The following DNAH9 variants were observed in gnomAD, a reference collection of about 807,000 sequenced individuals.
DNAH9 encodes the protein dynein axonemal heavy chain 9.
DNAH9 carries 345 observed loss-of-function variants against 471.6 expected under a neutral mutation model. The ratio of observed to expected loss-of-function variants is 0.73; its 90% confidence interval spans 0.67 to 0.80. The LOEUF is 0.80. Ranked by LOEUF, DNAH9 falls within the 30% of genes least tolerant of loss-of-function variation. The pLI is 0.00. For missense variants in DNAH9, 5,407 were observed against 5,609.2 expected (o/e 0.96, Z 1.15); for synonymous variants, 2,093 against 2,123.6 (o/e 0.99, Z 0.40).
At chr17:11,824,639 C>T (rs1337752497) in intron 48 of DNAH9, among the ~76,000 whole-genome samples, 4 of 152,118 alleles carry the variant, frequency 2.6e-5, no homozygotes, top group Non-Finnish European at 5.9e-5. Flanking sequence ...TGTAATATTG[C>T]TTCTTCTTCT....
chr17:11,790,327 T>C (rs1969019232), intron 41 of DNAH9, among the ~76,000 whole-genome samples: 1 of 152,080 alleles, frequency 6.6e-6, no homozygotes, highest in African/African-American at 2.4e-5. Context: ...TCATATTCAC[T>C]TTATATATTT....
intron 34 of DNAH9, among the ~76,000 whole-genome samples, 176 bp from the exon 35 acceptor site, chr17:11,757,369 G>A (rs551306016): frequency 8.5e-5 from 13 of 152,140 alleles, no homozygotes; most frequent in Non-Finnish European, 1.9e-4. Flanking sequence ...TCATCAGTCC[G>A]CTGGAGTTGG....
At chr17:11,690,458 A>T in intron 20 of DNAH9, 22 bp downstream of exon 20, 1 of 1,603,840 alleles carries the variant, frequency 6.2e-7, no homozygotes, top group Non-Finnish European at 8.5e-7. Context: ...GGAAATCTAG[A>T]ATCTCTCTAT....
intron 50 of DNAH9, among the ~76,000 whole-genome samples, chr17:11,866,200 G>A (rs1334521179): frequency 6.6e-6 from 1 of 151,198 alleles, no homozygotes. Flanking sequence ...TTTTTGGTGT[G>A]GATGTCCTTT....
intron 45 of DNAH9, among the ~76,000 whole-genome samples, chr17:11,812,701 C>T (rs906423447): frequency 2.0e-5 from 3 of 152,126 alleles, no homozygotes; most frequent in Non-Finnish European, 2.9e-5. Context: ...CCTCCCTGCC[C>T]TGTTCAAGTT....
chr17:11,823,879 G>A (rs961407010), intron 48 of DNAH9, among the ~76,000 whole-genome samples: 9 of 150,322 alleles, frequency 6.0e-5, no homozygotes, highest in South Asian at 2.1e-4. Flanking sequence ...GCAGTGAGCC[G>A]AGATTGCACC....
intron 9 of DNAH9, among the ~76,000 whole-genome samples, chr17:11,638,896 C>T (rs572857183): frequency 6.6e-6 from 1 of 152,334 alleles, no homozygotes; most frequent in Non-Finnish European, 1.5e-5. Context: ...TGTTGGCTGT[C>T]AGCCAAGGGC....
intron 50 of DNAH9, among the ~76,000 whole-genome samples, chr17:11,868,282 C>T (rs1972132658): frequency 6.6e-6 from 1 of 152,134 alleles, no homozygotes; most frequent in South Asian, 2.1e-4. Flanking sequence ...GATGTTTAAG[C>T]TTGGCCCTAC....
chr17:11,612,994 A>T (rs2150644351), intron 4 of DNAH9, among the ~76,000 whole-genome samples: 1 of 152,190 alleles, frequency 6.6e-6, no homozygotes, highest in East Asian at 1.9e-4. Context: ...CATGGCATGG[A>T]GTTTGCAAAC....
At chr17:11,681,474 G>A (rs757359502) in intron 19 of DNAH9, among the ~76,000 whole-genome samples, 11 of 152,112 alleles carry the variant, frequency 7.2e-5, no homozygotes, top group Admixed American at 1.3e-4. Context: ...TTCCTCCCGT[G>A]GTGAAGCGGT....
intron 14 of DNAH9, among the ~76,000 whole-genome samples, chr17:11,654,661 T>C (rs2073599741): frequency 6.6e-6 from 1 of 152,062 alleles, no homozygotes; most frequent in South Asian, 2.1e-4. Context: ...TTAATAATAA[T>C]TCTTACTATA....
At chr17:11,854,823 G>GT (rs1971565497) in intron 50 of DNAH9, among the ~76,000 whole-genome samples, 1 of 152,208 alleles carries the variant, frequency 6.6e-6, no homozygotes. Flanking sequence ...GTGTGGAAAT[G>GT]TGTCAGCTAT....
intron 4 of DNAH9, 130 bp from the exon 5 acceptor site, chr17:11,617,281 G>T (rs115234192): frequency 3.1e-4 from 197 of 625,538 alleles, no homozygotes; most frequent in Admixed American, 2.4e-3. Context: ...ATAAGAGCTA[G>T]GAAGTTTTCT....
At chr17:11,757,009 C>T (rs1349622843) in intron 34 of DNAH9, among the ~76,000 whole-genome samples, 1 of 151,984 alleles carries the variant, frequency 6.6e-6, no homozygotes, top group East Asian at 1.9e-4. Flanking sequence ...CTCCACTGAA[C>T]AAATTTATTA....
chr17:11,669,411 C>T lies in DNAH9; in HGVS notation c.2970C>T (p.Arg990=). Reference sequence around the variant, plus strand: ...TACCAGATTTGGCAAACATGCGGCGCACACTCATGGAGAGAGTCCAGAGAA... The same window carrying T: ...TACCAGATTTGGCAAACATGCGGCGTACACTCATGGAGAGAGTCCAGAGAA... ...DGIPDLANMR[R]TLMERVQRMM... Residue 990 remains arginine (R), a synonymous_variant, in exon 17 of 69, where the codon CGC becomes CGT. Coordinates refer to ENST00000262442, the MANE Select transcript of DNAH9 (RefSeq NM_001372.4). 1 of 1,613,920 alleles carries T rather than the reference C, an allele frequency of 6.2e-7. No individual in the cohort carries two copies. The highest frequency in any genetic ancestry group is 8.5e-7 in the Non-Finnish European group (1 of 1,179,924).
rs1197467140 is a variant in DNAH9 at position 11,652,779 on chromosome 17, C to T, written c.2372C>T (p.Thr791Ile). 4 of 1,613,300 alleles carry T rather than the reference C, an allele frequency of 2.5e-6. No homozygotes were observed. Among genetic ancestry groups the T allele is most frequent in the Non-Finnish European group, 1.7e-6 (2 of 1,179,642 alleles). ...GGAACAGGCATTTGCGATTATGTCA[C>T]TGAAATCACCAGTAGTATTCATGAT... is the stretch of plus-strand genomic sequence containing the variant. Reference protein sequence around the residue: ...WKTEGICDYVTEITSSIHDLE... With the variant: ...WKTEGICDYVIEITSSIHDLE... Residue 791 changes from threonine to isoleucine, a missense_variant, in exon 14 of 69, where the codon ACT (threonine) becomes ATT (isoleucine). Physicochemically the swap from Thr to Ile is moderately conservative, Grantham distance 89. Around this residue, in one of 3 missense-constraint regions of DNAH9, gnomAD observed 4,636 missense variants for 4,900.3 expected, o/e 0.95. Coordinates refer to ENST00000262442, the MANE Select transcript of DNAH9 (RefSeq NM_001372.4).
chr17:11,911,779 A>G (rs573398808), intron 61 of DNAH9, among the ~76,000 whole-genome samples: 2 of 152,124 alleles, frequency 1.3e-5, no homozygotes, highest in South Asian at 2.1e-4. Flanking sequence ...TGTTGTTTTT[A>G]GTGTGATTGC....
intron 45 of DNAH9, among the ~76,000 whole-genome samples, chr17:11,814,164 C>A (rs1409569066): frequency 6.6e-6 from 1 of 152,170 alleles, no homozygotes; most frequent in African/African-American, 2.4e-5. Flanking sequence ...GGAATTCTTA[C>A]AAAACTTGTT....
At chr17:11,661,929 A>G (rs1263420859) in intron 14 of DNAH9, among the ~76,000 whole-genome samples, 9 of 152,160 alleles carry the variant, frequency 5.9e-5, no homozygotes, top group Non-Finnish European at 1.0e-4. Context: ...TTTTATAGAT[A>G]TAAATTACCA....
Sources: allele counts gnomAD v4.1 joint callset (sites outside exome capture counted in the v4.1 genomes callset), GRCh38; gene constraint gnomAD v4.1.1; regional missense constraint gnomAD v4.1.1; transcripts MANE v1.5; gene names NCBI Gene and HGNC (gene_info 2026-07-23, HGNC 2026-07-21).